The following HSD17B4 variants were observed in gnomAD, a reference collection of about 807,000 sequenced individuals.
HSD17B4 encodes hydroxysteroid 17-beta dehydrogenase 4.
HSD17B4 carries 70 observed loss-of-function variants against 101.0 expected under a neutral mutation model. The ratio of observed to expected loss-of-function variants is 0.69; its 90% CI spans 0.57 to 0.85. The LOEUF (loss-of-function observed/expected upper bound fraction) is 0.85. HSD17B4 is among the 40% of genes least tolerant of loss of function. The probability of loss-of-function intolerance (pLI) is 0.00; values close to 1 mark genes in which losing one functional copy is unlikely to be tolerated. For synonymous variants in HSD17B4, 347 were observed against 297.1 expected (o/e 1.17, Z -1.73); for missense variants, 984 against 892.4 (o/e 1.10, Z -1.31).
intron 18 of HSD17B4, chr5:119,525,674 A>T (rs1753522429): frequency 1.8e-6 from 1 of 554,976 alleles, no homozygotes; most frequent in Non-Finnish European, 3.2e-6. Context: ...TAAACAAAAC[A>T]ATTGTGTTTC....
chr5:119,519,181 T>C (rs960195501), intron 17 of HSD17B4, among the ~76,000 whole-genome samples: 5 of 152,270 alleles, frequency 3.3e-5, no homozygotes, highest in African/African-American at 9.6e-5. Context: ...AATACAAGTG[T>C]ACTTTGTAGT....
chr5:119,539,844 C>G (rs903464048), intron 23 of HSD17B4, among the ~76,000 whole-genome samples: 5 of 147,102 alleles, frequency 3.4e-5, no homozygotes, highest in African/African-American at 1.3e-4. Context: ...AGTTCCAGCA[C>G]TTTGGGAGGC....
At chr5:119,536,189 A>G in intron 22 of HSD17B4, 1 of 457,040 alleles carries the variant, frequency 2.2e-6, no homozygotes, top group Non-Finnish European at 4.0e-6. Flanking sequence ...GACCTGAGCC[A>G]CTACAGAACT....
At chr5:119,508,715 T>G (rs938962926) in intron 15 of HSD17B4, among the ~76,000 whole-genome samples, 1 of 152,228 alleles carries the variant, frequency 6.6e-6, no homozygotes, top group Non-Finnish European at 1.5e-5. Context: ...CCTGCCCTCA[T>G]GTGGCTTATA....
intron 2 of HSD17B4, among the ~76,000 whole-genome samples, chr5:119,457,976 G>C (rs780987556): frequency 6.6e-6 from 1 of 152,108 alleles, no homozygotes; most frequent in Non-Finnish European, 1.5e-5. Flanking sequence ...GTGTGTTCCT[G>C]TGCATCAATT....
intron 8 of HSD17B4, among the ~76,000 whole-genome samples, chr5:119,485,292 G>T (rs1749517004): frequency 6.6e-6 from 1 of 152,034 alleles, no homozygotes; most frequent in Non-Finnish European, 1.5e-5. Context: ...TTTTTCTTTG[G>T]GAATATGGTA....
chr5:119,472,297 A>T (rs567453816), intron 2 of HSD17B4, among the ~76,000 whole-genome samples: 1 of 152,336 alleles, frequency 6.6e-6, no homozygotes, highest in South Asian at 2.1e-4. Context: ...TGTGTGCTTA[A>T]TCTTTAAAAA....
At chr5:119,477,228 A>C (rs1014688767) in intron 6 of HSD17B4, among the ~76,000 whole-genome samples, 189 bp from the exon 7 acceptor site, 2 of 152,134 alleles carry the variant, frequency 1.3e-5, no homozygotes, top group Non-Finnish European at 2.9e-5. Context: ...TTGTAGTTCT[A>C]AGTGTGAAGT....
At position 119,525,387 on chromosome 5, in the gene HSD17B4, A is replaced by C. The variant is rs1753494553; in HGVS notation, c.1573+102A>C. 5.3e-6 allele frequency: 4 copies of C among 758,848 alleles called. No homozygotes were observed. The East Asian group carries it at 1.1e-4, about 20-fold the overall frequency. The allele number at this position is 758,848 out of a possible 1,614,324, so 47.0% of individuals were successfully genotyped here. On this transcript the variant is annotated intron_variant, in intron 18 of 23. Coordinates refer to ENST00000510025, the MANE Select transcript of HSD17B4 (RefSeq NM_000414.4). ...ACTTATGACTGGTAGTTTGAGTAGC[A>C]TTTAAAAAAATGTTATTTTATTTAT...
At chr5:119,536,347 A>C in intron 22 of HSD17B4, 76 bp from the exon 23 acceptor site, 5 of 1,300,984 alleles carry the variant, frequency 3.8e-6, no homozygotes, top group Non-Finnish European at 5.6e-6. Context: ...AAATGTCTGC[A>C]TTTTACTTGG....
At chr5:119,533,547 T>C (rs1754296607) in intron 22 of HSD17B4, among the ~76,000 whole-genome samples, 1 of 152,084 alleles carries the variant, frequency 6.6e-6, no homozygotes, top group African/African-American at 2.4e-5. Flanking sequence ...GGTTTTGAGC[T>C]TGTGTGCTTG....
chr5:119,483,477 T>C (rs1024779389), intron 8 of HSD17B4, among the ~76,000 whole-genome samples: 3 of 152,174 alleles, frequency 2.0e-5, no homozygotes, highest in African/African-American at 4.8e-5. Context: ...AGTCTAATTA[T>C]TATTATCTTT....
chr5:119,468,079 GT>G (rs936898117), intron 2 of HSD17B4, among the ~76,000 whole-genome samples: 6 of 150,474 alleles, frequency 4.0e-5, no homozygotes, highest in African/African-American at 7.3e-5. Flanking sequence ...ATTGTTTTCT[GT>G]TTTTTTTTGT....
rs753550454 is a variant in HSD17B4, at chr5:119,499,415, T to G, written c.1071T>G (p.Asp357Glu). ...TTGGAGTGGGAGCGTCAATCAAGGA[T>G]CCAAAAGATTTGAAATTTATTTATG... The part of the protein sequence containing the change: ...YALGVGASIK[D>E]PKDLKFIYEG... Residue 357 changes from aspartate (D) to glutamate (E), a missense_variant, in exon 13 of 24, where the codon GAT (aspartate) becomes GAG (glutamate). Transcript: ENST00000510025. 6.2e-7 allele frequency: 1 copy of G among 1,613,700 alleles called. No homozygotes were observed. The highest frequency in any genetic ancestry group is 8.5e-7 in the Non-Finnish European group (1 of 1,179,668).
chr5:119,523,494 A>G (rs139387459), intron 17 of HSD17B4, among the ~76,000 whole-genome samples: 4 of 152,260 alleles, frequency 2.6e-5, no homozygotes, highest in Non-Finnish European at 5.9e-5. Flanking sequence ...GTTATGATTG[A>G]ATGGGTCAAA....
chr5:119,458,948 G>A (rs1437326263), intron 2 of HSD17B4, among the ~76,000 whole-genome samples: 1 of 152,052 alleles, frequency 6.6e-6, no homozygotes, highest in African/African-American at 2.4e-5. Flanking sequence ...AACACAAGAA[G>A]GACTGACAAA....
intron 16 of HSD17B4, among the ~76,000 whole-genome samples, chr5:119,510,698 T>A (rs1580656998): frequency 6.6e-6 from 1 of 152,234 alleles, no homozygotes; most frequent in African/African-American, 2.4e-5. Context: ...TATATTTTGG[T>A]AAGAACAGTG....
At chr5:119,474,279 G>C (rs1010006334) in intron 3 of HSD17B4, 122 bp from the exon 4 acceptor site, 2 of 770,304 alleles carry the variant, frequency 2.6e-6, no homozygotes, top group Admixed American at 3.5e-5. Context: ...TTGTAGATAT[G>C]GATATGTTCT....
chr5:119,466,165 G>T (rs115676724), intron 2 of HSD17B4, among the ~76,000 whole-genome samples: 2,218 of 152,248 alleles, frequency 0.015, 53 homozygotes, highest in African/African-American at 0.051. Context: ...AATCTCACTT[G>T]ATTGTGATAT....
Sources: allele counts gnomAD v4.1 joint callset (sites outside exome capture counted in the v4.1 genomes callset), GRCh38; gene constraint gnomAD v4.1.1; transcripts MANE v1.5; gene names NCBI Gene and HGNC (gene_info 2026-07-23, HGNC 2026-07-21).